PTPN21: variants seen among roughly 807,000 people sequenced by gnomAD.
PTPN21 encodes protein tyrosine phosphatase non-receptor type 21, also known as tyrosine-protein phosphatase non-receptor type 21.
In PTPN21, 77 loss-of-function variants were observed where a neutral mutation model predicts 131.8. That is an observed-to-expected ratio of 0.58 (90% CI 0.49 to 0.71). The LOEUF is 0.71. PTPN21 is among the 30% of genes least tolerant of loss of function. The probability of loss-of-function intolerance (pLI) is 0.00; values close to 1 mark genes in which losing one functional copy is unlikely to be tolerated. For missense variants in PTPN21, 1,552 were observed against 1,527.1 expected (o/e 1.02, Z -0.27); for synonymous variants, 715 against 621.3 (o/e 1.15, Z -2.24).
rs757736339 is a variant in PTPN21, at chr14:88,480,170, T to C, written c.1261A>G (p.Ile421Val). 1 of 1,614,134 alleles carries C rather than the reference T, an allele frequency of 6.2e-7. No homozygotes were observed. The highest frequency in any genetic ancestry group is 8.5e-7 in the Non-Finnish European group (1 of 1,180,000). ...GGCCTCATGACGTCACTCCCGGTGA[T>C]GCTAGGGTTGGACGACATCGGCGAG... ...QPSPMSSNPS[I>V]TGSDVMRPDY... is the part of the protein sequence containing the mutation. The change falls in exon 13 of 19, where the codon ATC becomes GTC. Residue 421 changes from isoleucine to valine, a missense_variant. By Grantham distance (29) the Ile-to-Val change is conservative. Coordinates refer to ENST00000556564, the MANE Select transcript of PTPN21 (RefSeq NM_007039.4).
Position 88,469,795 on chromosome 14 carries a change from G to T in PTPN21, c.3001-62C>A. On this transcript the variant is annotated intron_variant, in intron 16 of 18. Coordinates refer to ENST00000556564, the MANE Select transcript of PTPN21 (RefSeq NM_007039.4). This position sits in a 1 kb window ranked among gnomAD's most constrained non-coding sequence, Gnocchi z 4.3. ...CGGCAATGGATGCCTTTCTCACATA[G>T]ACGGCACATCTGAAACAGAACCACA... The T allele has an allele frequency of 1.9e-6, 3 of 1,597,092 alleles. No individual in the cohort carries two copies. Among genetic ancestry groups the T allele is most frequent in the Non-Finnish European group, 8.6e-7 (1 of 1,164,812 alleles).
In PTPN21 at chr14:88,550,594, C is replaced by T. The variant is rs543913368; in HGVS notation, c.-177G>A. 1 of 606,954 alleles carries T rather than the reference C, an allele frequency of 1.6e-6. No individual in the cohort carries two copies. The highest frequency in any genetic ancestry group is 2.8e-6 in the Non-Finnish European group (1 of 356,680). The allele number at this position is 606,954 out of a possible 1,614,324, so 37.6% of individuals were successfully genotyped here. A position where few individuals can be genotyped will look rare whatever the true frequency, so the allele number is the denominator to read the frequency against. On this transcript the variant is annotated 5_prime_UTR_variant, in exon 2 of 19. Transcript: ENST00000556564. ...AAAAGCAACGGAGTCTCCAATGGCC[C>T]GAGGAAGGGAGCATTGACGCCAGCG...
intron 15 of PTPN21, 172 bp from the exon 16 acceptor site, chr14:88,470,222 G>A: frequency 1.6e-6 from 1 of 637,298 alleles, no homozygotes; most frequent in Non-Finnish European, 2.7e-6. Context: ...TTTCCCTTGT[G>A]AATACAATTT....
chr14:88,514,697 T>C (rs979844685), intron 3 of PTPN21, among the ~76,000 whole-genome samples: 2 of 151,848 alleles, frequency 1.3e-5, no homozygotes, highest in African/African-American at 4.8e-5. Context: ...CTCCCGACCT[T>C]AGGTGATCTG....
At chr14:88,494,412 C>T (rs1445665651) in intron 10 of PTPN21, among the ~76,000 whole-genome samples, 1 of 152,214 alleles carries the variant, frequency 6.6e-6, no homozygotes, top group African/African-American at 2.4e-5. Flanking sequence ...TGGCTCACAC[C>T]TGTCCAGCCC....
intron 3 of PTPN21, among the ~76,000 whole-genome samples, chr14:88,512,026 T>C (rs2078193170): frequency 6.6e-6 from 1 of 152,222 alleles, no homozygotes; most frequent in Non-Finnish European, 1.5e-5. Flanking sequence ...GGCATTTTTA[T>C]TTTTTAAGTT....
At chr14:88,545,791 T>C (rs1566855035) in intron 2 of PTPN21, among the ~76,000 whole-genome samples, 1 of 151,984 alleles carries the variant, frequency 6.6e-6, no homozygotes, top group Non-Finnish European at 1.5e-5. Flanking sequence ...TGAAACCCCA[T>C]CTCTACTAAA....
At chr14:88,477,218 T>A (rs2077558868) in intron 13 of PTPN21, among the ~76,000 whole-genome samples, 1 of 152,002 alleles carries the variant, frequency 6.6e-6, no homozygotes, top group African/African-American at 2.4e-5. Flanking sequence ...TTATGTTGCA[T>A]ACTTGTGAAA....
At chr14:88,492,397 T>C (rs972162580) in intron 10 of PTPN21, among the ~76,000 whole-genome samples, 2 of 152,196 alleles carry the variant, frequency 1.3e-5, no homozygotes, top group African/African-American at 4.8e-5. Flanking sequence ...CACTTTCATA[T>C]GCAAATACAC....
chr14:88,521,048 T>C (rs2078383168), intron 2 of PTPN21, among the ~76,000 whole-genome samples: 1 of 152,074 alleles, frequency 6.6e-6, no homozygotes, highest in African/African-American at 2.4e-5. Flanking sequence ...GGTCTCACTA[T>C]GTTGCCCAGG....
chr14:88,544,524 C>T (rs779878019), intron 2 of PTPN21, among the ~76,000 whole-genome samples: 4 of 152,214 alleles, frequency 2.6e-5, no homozygotes, highest in Admixed American at 2.0e-4. Flanking sequence ...CATTTAACAC[C>T]GAATCCTCAT....
chr14:88,479,352 C>CA lies in PTPN21; in HGVS notation c.2078dup (p.Leu693PhefsTer6), dbSNP rs1418379113. ...ACAGGGACTTCTTATGGCCGTACCTCAAGCCCTCCGCCTCCTCCGGCCCTT... is the reference window on the plus strand; with the variant it reads ...ACAGGGACTTCTTATGGCCGTACCTCAAAGCCCTCCGCCTCCTCCGGCCCTT... On this transcript the variant is annotated frameshift_variant, in exon 13 of 19. Coordinates refer to ENST00000556564, the MANE Select transcript of PTPN21 (RefSeq NM_007039.4). LOFTEE classifies it high-confidence loss of function. 1 of 1,613,208 alleles carries CA rather than the reference C, an allele frequency of 6.2e-7. No individual in the cohort carries two copies. The highest frequency in any genetic ancestry group is 1.7e-5 in the Admixed American group (1 of 60,016).
intron 11 of PTPN21, 90 bp from the exon 12 acceptor site, chr14:88,485,250 A>C (rs1346908037): frequency 2.7e-6 from 2 of 739,030 alleles, no homozygotes; most frequent in Non-Finnish European, 4.2e-6. Flanking sequence ...TTCTGTTAAA[A>C]AAACTTCTAA....
intron 2 of PTPN21, among the ~76,000 whole-genome samples, chr14:88,545,858 G>A (rs2078769589): frequency 6.6e-6 from 1 of 151,996 alleles, no homozygotes. Flanking sequence ...TACTTGGGAG[G>A]CTGAGACAGA....
Position 88,467,860 on chromosome 14 carries a change from C to T in PTPN21, c.*277G>A, listed in dbSNP as rs2077389182. ...GAGAATTGTCTAGAAAATACAATCT[C>T]CAAAATGTGTGCAAGTACTGCAAAC... On this transcript the variant is annotated 3_prime_UTR_variant, in exon 19 of 19. Transcript: ENST00000556564. The T allele has an allele frequency of 7.5e-6, 3 of 397,606 alleles. No homozygotes were observed. The highest frequency in any genetic ancestry group is 1.3e-5 in the Non-Finnish European group (3 of 222,660). 24.6% of individuals were successfully genotyped at this position (397,606 alleles called of 1,614,324 possible). A position where few individuals can be genotyped will look rare whatever the true frequency, so the allele number is the denominator to read the frequency against.
chr14:88,491,596 C>A (rs2077824878), intron 10 of PTPN21, among the ~76,000 whole-genome samples: 1 of 152,182 alleles, frequency 6.6e-6, no homozygotes, highest in Non-Finnish European at 1.5e-5. Flanking sequence ...ATGGCCATAA[C>A]AATTAAAGTT....
At chr14:88,545,984 T>A (rs2078772513) in intron 2 of PTPN21, among the ~76,000 whole-genome samples, 1 of 143,416 alleles carries the variant, frequency 7.0e-6, no homozygotes, top group Non-Finnish European at 1.5e-5. Flanking sequence ...AGAGCGAGAC[T>A]CTGTCTCAAA....
intron 5 of PTPN21, 74 bp from the exon 6 acceptor site, chr14:88,504,569 GT>G: frequency 8.0e-7 from 1 of 1,244,378 alleles, no homozygotes; most frequent in Non-Finnish European, 1.2e-6. Context: ...GCCATTGACT[GT>G]TAATGACTCT....
chr14:88,512,024 T>G (rs2078193096), intron 3 of PTPN21, among the ~76,000 whole-genome samples: 2 of 152,086 alleles, frequency 1.3e-5, no homozygotes, highest in Non-Finnish European at 2.9e-5. Context: ...TCGGCATTTT[T>G]ATTTTTTAAG....
Sources: gnomAD v4.1 joint callset for allele counts (sites outside exome capture counted in the v4.1 genomes callset) on GRCh38, gnomAD v4.1.1 for gene constraint, Gnocchi (gnomAD v3.1) non-coding constraint, MANE v1.5 for transcripts, NCBI Gene and HGNC (gene_info 2026-07-23, HGNC 2026-07-21) for gene names.